ZNF184: variants seen among roughly 807,000 people sequenced by gnomAD.
ZNF184 encodes zinc finger protein 184 (Kruppel-like).
Under a neutral mutation model 54.4 loss-of-function variants are expected in ZNF184, and 16 were observed. That is an observed-to-expected ratio of 0.29 (90% CI 0.20 to 0.45). The LOEUF (loss-of-function observed/expected upper bound fraction) is 0.45. Ranked by LOEUF, ZNF184 falls within the 20% of genes least tolerant of loss-of-function variation. ZNF184 has a pLI of 1.00. For missense variants in ZNF184, 681 were observed against 888.2 expected, an observed-to-expected ratio of 0.77 and a Z score of 2.97; for synonymous variants, 254 against 295.3, an observed-to-expected ratio of 0.86 and a Z score of 1.43.
At chr6:27,449,598 A>G (rs1472565126), downstream of ZNF184, among the ~76,000 whole-genome samples, 2 of 152,106 alleles carry the variant, frequency 1.3e-5, no homozygotes, top group African/African-American at 4.8e-5. Context: ...ACAGAAATTT[A>G]AAACAATTAG....
chr6:27,424,164 C>T, the ZNF184 span, among the ~76,000 whole-genome samples: 1,874 of 152,208 alleles, frequency 0.012, 43 homozygotes, highest in African/African-American at 0.042. Flanking sequence ...CAGACCTTTG[C>T]GGTAAGTGTT....
chr6:27,423,170 C>T, the ZNF184 span, among the ~76,000 whole-genome samples: 2 of 152,178 alleles, frequency 1.3e-5, no homozygotes, highest in African/African-American at 4.8e-5. Context: ...CGTCACAGTA[C>T]CTTAGACTCA....
the ZNF184 span, among the ~76,000 whole-genome samples, chr6:27,440,193 T>C: frequency 1.3e-5 from 2 of 152,224 alleles, no homozygotes; most frequent in African/African-American, 2.4e-5. Context: ...TGTTCATTCA[T>C]TGATTTTTGT....
chr6:27,459,635 C>T (rs373611593), intron 3 of ZNF184, among the ~76,000 whole-genome samples: 4 of 152,144 alleles, frequency 2.6e-5, no homozygotes, highest in African/African-American at 9.7e-5. Context: ...TTAATGGATA[C>T]ACCATTTGAT....
chr6:27,423,737 A>G, the ZNF184 span, among the ~76,000 whole-genome samples: 1 of 152,258 alleles, frequency 6.6e-6, no homozygotes, highest in African/African-American at 2.4e-5. Flanking sequence ...CTATATACAA[A>G]GAAAGATTAT....
intron 2 of ZNF184, among the ~76,000 whole-genome samples, chr6:27,471,882 T>C (rs1197682068): frequency 6.6e-6 from 1 of 151,876 alleles, no homozygotes; most frequent in Non-Finnish European, 1.5e-5. Context: ...AAATGGCGAG[T>C]TTAATGCCAC....
the ZNF184 span, among the ~76,000 whole-genome samples, chr6:27,411,859 G>A: frequency 6.6e-6 from 1 of 152,200 alleles, no homozygotes; most frequent in South Asian, 2.1e-4. Flanking sequence ...CCCTGTGGAG[G>A]CCAGCCGCCC....
At position 27,452,476 on chromosome 6, in the gene ZNF184, A is replaced by C. The variant is rs1210645939; in HGVS notation, c.1083T>G (p.Pro361=). Reference sequence around the variant, plus strand: ...TTTTATCACATTCATCACATTTAAAAGGTTTTTCTCCCGTATGAATTTTCT... The same window carrying C: ...TTTTATCACATTCATCACATTTAAACGGTTTTTCTCCCGTATGAATTTTCT... ...EHQKIHTGEK[P]FKCDECDKTF... is the part of the protein sequence containing the mutation. Residue 361 remains proline (P), a synonymous_variant, in exon 6 of 6, where the codon CCT becomes CCG. Transcript: ENST00000683788. The surrounding 1 kb of genome is among the most constrained non-coding windows in gnomAD (Gnocchi z 5.5). The C allele has an allele frequency of 6.2e-7, 1 of 1,614,052 alleles. No homozygotes were observed. The highest frequency in any genetic ancestry group is 8.5e-7 in the Non-Finnish European group (1 of 1,180,006).
intron 3 of ZNF184, among the ~76,000 whole-genome samples, chr6:27,463,460 A>G (rs1464592586): frequency 6.6e-6 from 1 of 152,046 alleles, no homozygotes; most frequent in Non-Finnish European, 1.5e-5. Context: ...TAATTTTAAA[A>G]AAAGAGCCTT....
At chr6:27,461,102 G>C (rs1762983176) in intron 3 of ZNF184, among the ~76,000 whole-genome samples, 1 of 152,204 alleles carries the variant, frequency 6.6e-6, no homozygotes, top group Admixed American at 6.5e-5. Flanking sequence ...CAGGTGCCGA[G>C]TGTGGGGTCT....
At chr6:27,406,805 A>T in the ZNF184 span, 1 of 152,298 alleles carries the variant, frequency 6.6e-6, no homozygotes, top group Non-Finnish European at 1.5e-5. Context: ...CTGGCAGACC[A>T]TTGGGTGAAC....
chr6:27,422,571 C>G, the ZNF184 span, among the ~76,000 whole-genome samples: 9 of 152,046 alleles, frequency 5.9e-5, no homozygotes, highest in African/African-American at 1.9e-4. Context: ...CTAATCTTCC[C>G]TGGTAAAGCA....
In ZNF184 at chr6:27,472,888, A is replaced by T. The variant is rs533794598; in HGVS notation, c.-299T>A. On this transcript the variant is annotated 5_prime_UTR_variant, in exon 1 of 6. Coordinates refer to ENST00000683788, the MANE Select transcript of ZNF184 (RefSeq NM_001318891.2). The surrounding 1 kb of genome is among the most constrained non-coding windows in gnomAD (Gnocchi z 4.8). ...GGTGCGCCCCCTTCGAGGACTCCCCAGCTTTCTCCTGCAGAGGCCTCTAAG... is the reference window on the plus strand; with the variant it reads ...GGTGCGCCCCCTTCGAGGACTCCCCTGCTTTCTCCTGCAGAGGCCTCTAAG... The T allele has an allele frequency of 2.0e-5, 3 of 152,660 alleles. No homozygotes were observed. The highest frequency in any genetic ancestry group is 7.2e-5 in the African/African-American group (3 of 41,570). The allele number at this position is 152,660 out of a possible 1,614,324, so 9.5% of individuals were successfully genotyped here.
Position 27,452,434 on chromosome 6 carries a change from T to C in ZNF184, c.1125A>G (p.Thr375=). The part of the protein sequence containing the change: ...DECDKTFTRS[T]HLTQHQKIHT... ...GAATTTTTTGATGTTGAGTAAGGTGTGTGCTCCTGGTGAAGGTTTTATCAC... is the reference window on the plus strand; with the variant it reads ...GAATTTTTTGATGTTGAGTAAGGTGCGTGCTCCTGGTGAAGGTTTTATCAC... The change falls in exon 6 of 6, where the codon ACA becomes ACG. Residue 375 remains threonine (T), a synonymous_variant. Transcript: ENST00000683788. This position sits in a 1 kb window ranked among gnomAD's most constrained non-coding sequence, Gnocchi z 5.5. 2.5e-6 allele frequency: 4 copies of C among 1,614,128 alleles called. No homozygotes were observed. Among genetic ancestry groups the C allele is most frequent in the Non-Finnish European group, 3.4e-6 (4 of 1,180,010 alleles).
downstream of ZNF184, among the ~76,000 whole-genome samples, chr6:27,450,540 T>C (rs1372147449): frequency 1.3e-5 from 2 of 152,126 alleles, no homozygotes; most frequent in African/African-American, 4.8e-5. Context: ...TGCTAGTACC[T>C]TGATCTTGGA....
chr6:27,409,360 G>C, the ZNF184 span, among the ~76,000 whole-genome samples: 1 of 151,626 alleles, frequency 6.6e-6, no homozygotes, highest in East Asian at 1.9e-4. Flanking sequence ...TTAGCCGGGC[G>C]TGGTGGCGGG....
intron 3 of ZNF184, among the ~76,000 whole-genome samples, chr6:27,462,181 C>A (rs1170171344): frequency 6.6e-6 from 1 of 152,066 alleles, no homozygotes; most frequent in African/African-American, 2.4e-5. Flanking sequence ...AACTTAACTG[C>A]ATCCCAGAAT....
At chr6:27,467,548 T>G (rs1450047916) in intron 3 of ZNF184, among the ~76,000 whole-genome samples, 2 of 151,814 alleles carry the variant, frequency 1.3e-5, no homozygotes, top group East Asian at 3.9e-4. Flanking sequence ...TGAGCGGAGA[T>G]CACCACCATT....
chr6:27,443,454 A>G, the ZNF184 span, among the ~76,000 whole-genome samples: 1 of 152,174 alleles, frequency 6.6e-6, no homozygotes, highest in Non-Finnish European at 1.5e-5. Context: ...TGCTCAGACC[A>G]TTATACTTGG....
Sources: gnomAD v4.1 joint callset for allele counts (sites outside exome capture counted in the v4.1 genomes callset) on GRCh38, gnomAD v4.1.1 for gene constraint, Gnocchi (gnomAD v3.1) non-coding constraint, MANE v1.5 for transcripts, NCBI Gene and HGNC (gene_info 2026-07-23, HGNC 2026-07-21) for gene names.